DCDC1: variants seen among roughly 807,000 people sequenced by gnomAD.
The protein encoded by DCDC1 is doublecortin domain-containing protein 1.
In DCDC1, 200 loss-of-function variants were observed where a neutral mutation model predicts 178.3. The observed-to-expected ratio is 1.12, with a 90% CI of 1.00 to 1.26. DCDC1 has a LOEUF of 1.26. DCDC1 is among the 50% of genes most tolerant of loss of function. DCDC1 has a pLI of 0.00. For missense variants in DCDC1, 1,983 were observed against 1,749.2 expected, an observed-to-expected ratio of 1.13 and a Z score of -2.38; for synonymous variants, 690 against 604.8, an observed-to-expected ratio of 1.14 and a Z score of -2.07.
intron 36 of DCDC1, among the ~76,000 whole-genome samples, chr11:30,892,136 A>C (rs1345833155): frequency 6.6e-6 from 1 of 152,224 alleles, no homozygotes; most frequent in African/African-American, 2.4e-5. Flanking sequence ...AGACTACCCA[A>C]ATTCATTTAT....
intron 8 of DCDC1, among the ~76,000 whole-genome samples, chr11:31,248,797 T>G (rs1001373557): frequency 6.6e-6 from 1 of 152,122 alleles, no homozygotes; most frequent in African/African-American, 2.4e-5. Context: ...AATTAGTGTT[T>G]TTACATATTT....
At chr11:30,906,749 T>C (rs1425654325) in intron 29 of DCDC1, 24 bp from the exon 30 acceptor site, 1 of 1,602,324 alleles carries the variant, frequency 6.2e-7, no homozygotes, top group Non-Finnish European at 8.5e-7. Context: ...CAAAGATGGC[T>C]TTATATAGGA....
At chr11:31,142,575 G>A (rs1963960186) in intron 9 of DCDC1, among the ~76,000 whole-genome samples, 1 of 151,990 alleles carries the variant, frequency 6.6e-6, no homozygotes, top group African/African-American at 2.4e-5. Context: ...GTGTATTTTA[G>A]GATAATAGAA....
chr11:31,357,792 TA>T (rs1951467957), intron 1 of DCDC1, among the ~76,000 whole-genome samples: 1 of 151,652 alleles, frequency 6.6e-6, no homozygotes, highest in African/African-American at 2.4e-5. Context: ...TATACACCAA[TA>T]ACAGACAAAC....
intron 1 of DCDC1, among the ~76,000 whole-genome samples, chr11:31,342,339 G>C (rs1312752594): frequency 1.3e-5 from 2 of 152,138 alleles, no homozygotes; most frequent in African/African-American, 4.8e-5. Context: ...TTCTAACTAT[G>C]TGGCCTTAAG....
rs900115704 is a variant in DCDC1 at position 31,315,311 on chromosome 11, T to A, written c.165-7403A>T. 5.8e-5 allele frequency among the ~76,000 whole-genome samples: 4 copies of A among 69,522 alleles called. No homozygotes were observed. In the South Asian group the frequency reaches 1.8e-3, roughly 32 times the overall value. The allele number at this position is 69,522 out of a possible 152,430, so 45.6% of individuals were successfully genotyped here. A position where few individuals can be genotyped will look rare whatever the true frequency, so the allele number is the denominator to read the frequency against. ...ATAGTTCCTATTTGCATACCCTTTTTTTTTTTTTTTTTTTTTTTTTTTTTG... is the reference window on the plus strand; with the variant it reads ...ATAGTTCCTATTTGCATACCCTTTTATTTTTTTTTTTTTTTTTTTTTTTTG... On this transcript the variant is annotated intron_variant, in intron 3 of 38. Coordinates refer to ENST00000684477, the MANE Select transcript of DCDC1 (RefSeq NM_001387274.1).
chr11:31,244,924 A>C (rs2136926839), intron 8 of DCDC1, among the ~76,000 whole-genome samples: 1 of 151,904 alleles, frequency 6.6e-6, no homozygotes, highest in Admixed American at 6.6e-5. Context: ...AAAAAAGAGT[A>C]ACTCCACTGG....
intron 36 of DCDC1, 46 bp from the exon 37 acceptor site, chr11:30,881,354 T>C (rs766872097): frequency 6.6e-5 from 105 of 1,583,852 alleles, no homozygotes; most frequent in Non-Finnish European, 8.7e-5. Context: ...AATGGCACAA[T>C]ATGATCATGT....
Position 31,306,250 on chromosome 11 carries a change from A to G in DCDC1, c.573T>C (p.Thr191=), listed in dbSNP as rs770371600. Residue 191 remains threonine, a synonymous_variant, in exon 5 of 39, where the codon ACT becomes ACC. Coordinates refer to ENST00000684477, the MANE Select transcript of DCDC1 (RefSeq NM_001387274.1). ...NGSRTVFARV[T]VPTITLLLEE... The stretch of plus-strand genomic sequence containing the variant: ...TAGTTACCAAGGTGATGGTTGGTAC[A>G]GTAACTCTGGCAAAGACTGTTCTAG... 24 of 1,590,460 alleles carry G rather than the reference A, an allele frequency of 1.5e-5. No individual in the cohort carries two copies. Among genetic ancestry groups the G allele is most frequent in the Non-Finnish European group, 1.9e-5 (22 of 1,168,572 alleles).
chr11:30,919,206 C>G (rs770728343), intron 25 of DCDC1, among the ~76,000 whole-genome samples: 1 of 151,844 alleles, frequency 6.6e-6, no homozygotes, highest in Non-Finnish European at 1.5e-5. Flanking sequence ...TAAGGGCTGC[C>G]AAGTAGAAGA....
At chr11:31,262,130 A>G (rs1333063551) in intron 8 of DCDC1, among the ~76,000 whole-genome samples, 1 of 152,140 alleles carries the variant, frequency 6.6e-6, no homozygotes, top group Non-Finnish European at 1.5e-5. Flanking sequence ...AAGTAGGCAC[A>G]GTGGCCTGCA....
chr11:31,022,665 G>C (rs1235235955), intron 20 of DCDC1, among the ~76,000 whole-genome samples: 2 of 150,038 alleles, frequency 1.3e-5, no homozygotes, highest in East Asian at 3.9e-4. Flanking sequence ...GTGTGTGTGT[G>C]TGTGTGTGTG....
At chr11:31,226,241 C>T (rs973721466) in intron 9 of DCDC1, among the ~76,000 whole-genome samples, 2 of 150,990 alleles carry the variant, frequency 1.3e-5, no homozygotes, top group African/African-American at 4.9e-5. Context: ...GTGGCTATCA[C>T]AGAAACAAAC....
At chr11:31,088,593 G>T (rs1478843473) in intron 17 of DCDC1, among the ~76,000 whole-genome samples, 3 of 151,972 alleles carry the variant, frequency 2.0e-5, no homozygotes, top group Non-Finnish European at 4.4e-5. Flanking sequence ...AGTGGCATTT[G>T]TGTTATTTCC....
intron 1 of DCDC1, among the ~76,000 whole-genome samples, chr11:31,365,598 G>A (rs148370931): frequency 3.0e-4 from 46 of 152,188 alleles, no homozygotes; most frequent in Middle Eastern, 6.8e-3. Flanking sequence ...ATCAAATTAA[G>A]AATTTGTGAA....
chr11:31,299,864 A>T (rs1227337361), intron 6 of DCDC1, among the ~76,000 whole-genome samples: 2 of 151,832 alleles, frequency 1.3e-5, no homozygotes, highest in Non-Finnish European at 2.9e-5. Context: ...TTTTTTATTT[A>T]TTTATTTTTT....
chr11:31,082,847 C>G (rs566449304), intron 17 of DCDC1, among the ~76,000 whole-genome samples: 1 of 152,180 alleles, frequency 6.6e-6, no homozygotes, highest in South Asian at 2.1e-4. Flanking sequence ...CCAATGCTAC[C>G]CGGGCCAAAA....
chr11:31,109,198 A>C (rs1959040474), intron 12 of DCDC1, among the ~76,000 whole-genome samples: 2 of 150,900 alleles, frequency 1.3e-5, no homozygotes, highest in Non-Finnish European at 2.9e-5. Flanking sequence ...AGCTAAATGC[A>C]ACCTCAGCAT....
intron 30 of DCDC1, 141 bp downstream of exon 30, chr11:30,906,399 C>T: frequency 1.3e-6 from 1 of 794,490 alleles, no homozygotes; most frequent in Non-Finnish European, 1.9e-6. Flanking sequence ...GAAATCAATG[C>T]AGGTAGAATG....
Sources: allele counts gnomAD v4.1 joint callset (sites outside exome capture counted in the v4.1 genomes callset), GRCh38; gene constraint gnomAD v4.1.1; transcripts MANE v1.5; gene names NCBI Gene and HGNC (gene_info 2026-07-23, HGNC 2026-07-21).